The following UBAP1L variants were observed in gnomAD, a reference collection of about 807,000 sequenced individuals.
The protein encoded by UBAP1L is ubiquitin-associated protein 1-like.
Under a neutral mutation model 32.1 loss-of-function variants are expected in UBAP1L, and 32 were observed. The ratio of observed to expected loss-of-function variants is 1.00; its 90% CI spans 0.75 to 1.34. UBAP1L has a LOEUF of 1.34. Ranked by LOEUF, UBAP1L falls within the 40% of genes most tolerant of loss-of-function variation. The pLI is 0.00. For missense variants in UBAP1L, 516 were observed against 540.5 expected, an observed-to-expected ratio of 0.95 and a Z score of 0.45; for synonymous variants, 243 against 250.2, an observed-to-expected ratio of 0.97 and a Z score of 0.27.
rs551156642 is a variant in UBAP1L, at chr15:65,102,303, C to G, written c.502G>C (p.Val168Leu). The G allele has an allele frequency of 3.5e-6, 5 of 1,421,806 alleles. No individual in the cohort carries two copies. The South Asian group carries it at 7.0e-5, about 20-fold the overall frequency. 88.1% of individuals were successfully genotyped at this position (1,421,806 alleles called of 1,614,324 possible). ...ARRRLSEGKL[V>L]SRPRALLHGL... ...TGCAGGAGGGCGCGGGGCCGGGAGA[C>G]CAGCTTCCCCTCGGAGAGCCGCCGC... is the stretch of plus-strand genomic sequence containing the variant. The change falls in exon 3 of 6, where the codon GTC becomes CTC. Residue 168 changes from valine to leucine, a missense_variant. Val to Leu is a conservative substitution (Grantham distance 32). Coordinates refer to ENST00000559089, the MANE Select transcript of UBAP1L (RefSeq NM_001163692.2). The surrounding 1 kb of genome is among the most constrained non-coding windows in gnomAD (Gnocchi z 5.0).
chr15:65,095,890 C>T (rs369009363), intron 4 of UBAP1L: 75 of 152,326 alleles, frequency 4.9e-4, no homozygotes, highest in African/African-American at 1.4e-3. Context: ...TGCTCCTGGC[C>T]GAGGTACTGC....
intron 2 of UBAP1L, among the ~76,000 whole-genome samples, chr15:65,104,046 G>T (rs1449055350): frequency 6.6e-6 from 1 of 152,158 alleles, no homozygotes; most frequent in East Asian, 1.9e-4. Context: ...CCTGAGGTCA[G>T]TTCAAGACCA....
intron 3 of UBAP1L, chr15:65,100,262 A>G (rs1174378435): frequency 6.6e-6 from 1 of 151,900 alleles, no homozygotes; most frequent in Non-Finnish European, 1.5e-5. Flanking sequence ...AAAACAAAAC[A>G]AAAAACAATG....
chr15:65,106,177 C>G lies in UBAP1L; in HGVS notation c.39G>C (p.Lys13Asn). 4 of 1,549,330 alleles carry G rather than the reference C, an allele frequency of 2.6e-6. No homozygotes were observed. Among genetic ancestry groups the G allele is most frequent in the Non-Finnish European group, 3.5e-6 (4 of 1,146,414 alleles). Residue 13 changes from lysine (K) to asparagine (N), a missense_variant, in exon 2 of 6, where the codon AAG becomes AAC. Coordinates refer to ENST00000559089, the MANE Select transcript of UBAP1L (RefSeq NM_001163692.2). ...ALDGVPFKLP[K>N]GFVIGTEPLP... ...GAGGCTCTGTGCCTATCACAAAGCC[C>G]TTGGGCAACTTGAAAGGAACACCAT...
chr15:65,105,656 A>G, intron 2 of UBAP1L: 2 of 675,652 alleles, frequency 3.0e-6, no homozygotes, highest in Non-Finnish European at 2.8e-6. Flanking sequence ...GTATGCATAT[A>G]TGAAAAGCCA....
intron 4 of UBAP1L, 66 bp downstream of exon 4, chr15:65,099,439 A>G: frequency 6.7e-7 from 1 of 1,500,984 alleles, no homozygotes; most frequent in African/African-American, 1.4e-5. Context: ...TCAAAAGGTG[A>G]AAATCATGTG....
Position 65,092,927 on chromosome 15 carries a change from C to A in UBAP1L, c.*170G>T. On this transcript the variant is annotated 3_prime_UTR_variant, in exon 6 of 6. Coordinates refer to ENST00000559089, the MANE Select transcript of UBAP1L (RefSeq NM_001163692.2). ...CTCTGCAGAGGCAACTATTTCAACT[C>A]TTTCAGCAGATTCTGCTGCTGTTAA... 1.0e-6 allele frequency: 1 copy of A among 985,510 alleles called. No homozygotes were observed. The highest frequency in any genetic ancestry group is 1.9e-5 in the South Asian group (1 of 52,276). 61.0% of individuals were successfully genotyped at this position (985,510 alleles called of 1,614,324 possible).
chr15:65,103,119 G>C (rs1442182107), intron 2 of UBAP1L, among the ~76,000 whole-genome samples: 1 of 152,250 alleles, frequency 6.6e-6, no homozygotes, highest in Non-Finnish European at 1.5e-5. Flanking sequence ...TCCCTATGGA[G>C]TGATTCCTGT....
chr15:65,100,420 C>A (rs1194462400), intron 3 of UBAP1L: 1 of 152,202 alleles, frequency 6.6e-6, no homozygotes, highest in Non-Finnish European at 1.5e-5. Context: ...TGCCCCACAC[C>A]TTGGTGACAG....
chr15:65,099,561 G>A lies in UBAP1L; in HGVS notation c.853C>T (p.Pro285Ser). The part of the protein sequence containing the change: ...LIGPVVALGY[P>S]LRRAIIALQK... ...AGAGCTATGATGGCCCTTCGCAGGGGATATCCCAGGGCGACCACTGGCCCA... is the reference window on the plus strand; with the variant it reads ...AGAGCTATGATGGCCCTTCGCAGGGAATATCCCAGGGCGACCACTGGCCCA... Residue 285 changes from proline to serine, a missense_variant, in exon 4 of 6, where the codon CCC (proline) becomes TCC (serine). Transcript: ENST00000559089. The A allele has an allele frequency of 1.3e-6, 2 of 1,551,432 alleles. No homozygotes were observed. Among genetic ancestry groups the A allele is most frequent in the South Asian group, 1.2e-5 (1 of 84,054 alleles).
chr15:65,114,700 A>G (rs1291908297), intron 1 of UBAP1L, among the ~76,000 whole-genome samples: 1 of 152,368 alleles, frequency 6.6e-6, no homozygotes, highest in Admixed American at 6.5e-5. Flanking sequence ...CCCATAGAAC[A>G]TAATTCAAAT....
intron 1 of UBAP1L, among the ~76,000 whole-genome samples, chr15:65,106,781 C>T (rs967453696): frequency 6.6e-5 from 10 of 152,036 alleles, no homozygotes; most frequent in African/African-American, 2.4e-4. Flanking sequence ...GCTGGAATTA[C>T]AGGCTTGTGC....
chr15:65,094,465 C>A lies in UBAP1L; in HGVS notation c.1011+10G>T. 1 of 1,544,560 alleles carries A rather than the reference C, an allele frequency of 6.5e-7. No individual in the cohort carries two copies. The highest frequency in any genetic ancestry group is 2.4e-5 in the East Asian group (1 of 40,886). On this transcript the variant is annotated intron_variant, in intron 5 of 5. Transcript: ENST00000559089. This position sits in a 1 kb window ranked among gnomAD's most constrained non-coding sequence, Gnocchi z 4.2. ...CATCCCCTGGGGCCCTGGCAGGAAG[C>A]CCTGCTGACCTGGCTCTCGGAGAAC... is the stretch of plus-strand genomic sequence containing the variant.
chr15:65,109,482 C>CAA (rs571155403), intron 1 of UBAP1L, among the ~76,000 whole-genome samples: 3,465 of 61,416 alleles, frequency 0.056, 443 homozygotes, highest in Middle Eastern at 0.092. Context: ...GAATCTGTCT[C>CAA]AAAAAAAAAA....
At chr15:65,110,684 C>CAAA (rs71136313) in intron 1 of UBAP1L, among the ~76,000 whole-genome samples, 3 of 63,088 alleles carry the variant, frequency 4.8e-5, no homozygotes, top group Admixed American at 1.7e-4. Context: ...GACTCTGTCT[C>CAAA]AAAAAAAAAA....
chr15:65,104,851 C>CA, intron 2 of UBAP1L: 1 of 346,424 alleles, frequency 2.9e-6, no homozygotes. Flanking sequence ...ACTAAAAATA[C>CA]AAAAAATTAG....
chr15:65,104,205 T>C (rs1258126258), intron 2 of UBAP1L, among the ~76,000 whole-genome samples: 1 of 151,020 alleles, frequency 6.6e-6, no homozygotes, highest in African/African-American at 2.4e-5. Context: ...TGTGCCAAGA[T>C]TGCACCACTG....
chr15:65,105,011 A>AC (rs2087291051), intron 2 of UBAP1L: 1 of 161,602 alleles, frequency 6.2e-6, no homozygotes, highest in Non-Finnish European at 1.3e-5. Flanking sequence ...GTCTCAAATG[A>AC]AAAAAAAAAA....
At chr15:65,110,222 G>A (rs2087359002) in intron 1 of UBAP1L, among the ~76,000 whole-genome samples, 4 of 151,876 alleles carry the variant, frequency 2.6e-5, no homozygotes, top group Non-Finnish European at 4.4e-5. Flanking sequence ...AGCTGGGCGT[G>A]GTGGTGCGTG....
Sources: gnomAD v4.1 joint callset for allele counts (sites outside exome capture counted in the v4.1 genomes callset) on GRCh38, gnomAD v4.1.1 for gene constraint, Gnocchi (gnomAD v3.1) non-coding constraint, MANE v1.5 for transcripts, NCBI Gene and HGNC (gene_info 2026-07-23, HGNC 2026-07-21) for gene names.